FYCO1: variants seen among roughly 807,000 people sequenced by gnomAD.
The protein encoded by FYCO1 is FYVE and coiled-coil domain-containing protein 1.
FYCO1 carries 122 observed loss-of-function variants against 165.1 expected under a neutral mutation model. The observed-to-expected ratio is 0.74, with a 90% CI of 0.64 to 0.86. The LOEUF is 0.86. Ranked by LOEUF, FYCO1 falls within the 40% of genes least tolerant of loss-of-function variation. FYCO1 has a pLI of 0.00. For missense variants in FYCO1, 1,702 were observed against 1,810.3 expected (o/e 0.94, Z 1.09); for synonymous variants, 648 against 742.5 (o/e 0.87, Z 2.07).
Position 45,967,161 on chromosome 3 carries a change from C to A in FYCO1, c.2173G>T (p.Ala725Ser). ...AGAGCCCTAAGCTCTCTGTGCCGGG[C>A]TTCTGCCAGTTGCTGGCACTGCTCC... ...EVEQCQQLAE[A>S]RHRELRALES... The change falls in exon 8 of 18, where the codon GCC (alanine) becomes TCC (serine). Residue 725 changes from alanine to serine, a missense_variant. By Grantham distance (99) the Ala-to-Ser change is moderately conservative. Coordinates refer to ENST00000296137, the MANE Select transcript of FYCO1 (RefSeq NM_024513.4). 6.2e-7 allele frequency: 1 copy of A among 1,613,346 alleles called. No individual in the cohort carries two copies. Among genetic ancestry groups the A allele is most frequent in the Non-Finnish European group, 8.5e-7 (1 of 1,179,460 alleles).
intron 14 of FYCO1, among the ~76,000 whole-genome samples, chr3:45,944,354 A>T (rs967105046): frequency 6.6e-6 from 1 of 152,190 alleles, no homozygotes; most frequent in Non-Finnish European, 1.5e-5. Flanking sequence ...AATAGTTAAT[A>T]CTTATTTTGC....
Position 45,966,750 on chromosome 3 carries a change from CA to C in FYCO1, c.2583del (p.Asp861GlufsTer55). The C allele has an allele frequency of 1.2e-6, 2 of 1,611,022 alleles. No individual in the cohort carries two copies. The highest frequency in any genetic ancestry group is 1.7e-6 in the Non-Finnish European group (2 of 1,179,978). ...AGCTCCTCCTCCCTCTGCTGGGCCT[CA>C]TCGGCCCTCTCCTCCTGCAGTGCCC... is the stretch of plus-strand genomic sequence containing the variant. ...REGALQEERA[D>X]EAQQREEELR... is the part of the protein sequence containing the mutation. On this transcript the variant is annotated frameshift_variant, in exon 8 of 18. Transcript: ENST00000296137. LOFTEE classifies it high-confidence loss of function.
In FYCO1 at chr3:45,975,318, C is replaced by T. The variant is rs753932842; in HGVS notation, c.316G>A (p.Ala106Thr). 69 of 1,614,018 alleles carry T rather than the reference C, an allele frequency of 4.3e-5. No homozygotes were observed. The highest frequency in any genetic ancestry group is 6.7e-5 in the African/African-American group (5 of 74,920). ...ELRTSLGKGR[A>T]FIRYSLVHQR... ...TGCACCAAGGAGTAGCGAATAAATGCTCTTCCTTTCCCCAAGGATGTTCGG... is the reference window on the plus strand; with the variant it reads ...TGCACCAAGGAGTAGCGAATAAATGTTCTTCCTTTCCCCAAGGATGTTCGG... The change falls in exon 5 of 18, where the codon GCA becomes ACA. Residue 106 changes from alanine to threonine, a missense_variant. Ala to Thr is a moderately conservative substitution (Grantham distance 58). Transcript: ENST00000296137.
chr3:45,991,216 T>C (rs752212914), intron 1 of FYCO1, among the ~76,000 whole-genome samples: 1 of 152,240 alleles, frequency 6.6e-6, no homozygotes, highest in Non-Finnish European at 1.5e-5. Flanking sequence ...GTTGTAATTA[T>C]TGTAAAAATA....
Position 45,920,282 on chromosome 3 carries a change from G to C in FYCO1, c.*1483C>G, listed in dbSNP as rs1703046032. 6.6e-6 allele frequency: 1 copy of C among 152,260 alleles called. No individual in the cohort carries two copies. Among genetic ancestry groups the C allele is most frequent in the South Asian group, 2.1e-4 (1 of 4,822 alleles). The allele number at this position is 152,260 out of a possible 1,614,324, so 9.4% of individuals were successfully genotyped here. A position where few individuals can be genotyped will look rare whatever the true frequency, so the allele number is the denominator to read the frequency against. On this transcript the variant is annotated 3_prime_UTR_variant, in exon 18 of 18. Coordinates refer to ENST00000296137, the MANE Select transcript of FYCO1 (RefSeq NM_024513.4). ...CAAGCCCTCAAAACCAGCCAGACCA[G>C]GGTTATGACAAAGAGAAACTTTGGG...
chr3:45,967,696 G>A lies in FYCO1; in HGVS notation c.1638C>T (p.Leu546=), dbSNP rs1706157680. The A allele has an allele frequency of 6.2e-7, 1 of 1,613,606 alleles. No individual in the cohort carries two copies. The highest frequency in any genetic ancestry group is 8.5e-7 in the Non-Finnish European group (1 of 1,180,034). ...KKQLIQDKDH[L]SQQVGMLERL... Reference sequence around the variant, plus strand: ...GCTCGAGCATACCCACCTGCTGGCTGAGGTGGTCTTTGTCCTGAATGAGCT... The same window carrying A: ...GCTCGAGCATACCCACCTGCTGGCTAAGGTGGTCTTTGTCCTGAATGAGCT... Residue 546 remains leucine, a synonymous_variant, in exon 8 of 18, where the codon CTC becomes CTT. Coordinates refer to ENST00000296137, the MANE Select transcript of FYCO1 (RefSeq NM_024513.4).
At chr3:45,994,293 T>C (rs1707693960) in intron 1 of FYCO1, among the ~76,000 whole-genome samples, 1 of 152,034 alleles carries the variant, frequency 6.6e-6, no homozygotes, top group Admixed American at 6.5e-5. Flanking sequence ...CTTTCAGTGA[T>C]TCTGTATGTT....
chr3:45,974,108 G>T (rs966685125), intron 5 of FYCO1, among the ~76,000 whole-genome samples: 5 of 152,154 alleles, frequency 3.3e-5, no homozygotes, highest in Non-Finnish European at 7.4e-5. Context: ...CCTGGGCATA[G>T]TGGCTCACAC....
At chr3:45,978,882 A>G (rs1575382596) in intron 4 of FYCO1, among the ~76,000 whole-genome samples, 1 of 137,244 alleles carries the variant, frequency 7.3e-6, no homozygotes, top group Admixed American at 7.9e-5. Flanking sequence ...TTTGAGACGG[A>G]GTCTCGCTCT....
chr3:45,947,580 G>C, intron 14 of FYCO1: 3 of 1,239,840 alleles, frequency 2.4e-6, no homozygotes, highest in Non-Finnish European at 3.5e-6. Flanking sequence ...GATGTGGTGA[G>C]GCAGGCTTTG....
chr3:45,942,271 CT>C (rs1453170669), intron 14 of FYCO1, among the ~76,000 whole-genome samples: 4 of 152,244 alleles, frequency 2.6e-5, no homozygotes, highest in African/African-American at 9.6e-5. Context: ...GTGGGCTAAT[CT>C]CTCTAATCTT....
chr3:45,976,628 C>T (rs756542414), intron 4 of FYCO1, among the ~76,000 whole-genome samples: 1 of 152,086 alleles, frequency 6.6e-6, no homozygotes, highest in Non-Finnish European at 1.5e-5. Context: ...CAGTGGTTTG[C>T]CAGAGGGTTC....
chr3:45,933,156 A>C (rs944755927), intron 15 of FYCO1, among the ~76,000 whole-genome samples: 1 of 152,194 alleles, frequency 6.6e-6, no homozygotes, highest in Non-Finnish European at 1.5e-5. Flanking sequence ...AATATAATAT[A>C]ATCTTAAGAT....
intron 13 of FYCO1, among the ~76,000 whole-genome samples, chr3:45,958,022 C>T (rs939178108): frequency 6.6e-6 from 1 of 152,234 alleles, no homozygotes; most frequent in Non-Finnish European, 1.5e-5. Flanking sequence ...GAAGAGCGAG[C>T]TTCAGGAAGA....
At position 45,967,071 on chromosome 3, in the gene FYCO1, C is replaced by T. The variant is rs749418531; in HGVS notation, c.2263G>A (p.Gly755Arg). 5.0e-6 allele frequency: 8 copies of T among 1,613,720 alleles called. No individual in the cohort carries two copies. In the African/African-American group the frequency reaches 6.7e-5, roughly 13 times the overall value. The change falls in exon 8 of 18, where the codon GGA (glycine) becomes AGA (arginine). Residue 755 changes from glycine to arginine, a missense_variant. Physicochemically the swap from Gly to Arg is moderately radical, Grantham distance 125. Transcript: ENST00000296137. ...EVLTAEKGQQ[G>R]VGPPTDNEAR... The stretch of plus-strand genomic sequence containing the variant: ...TCATTGTCAGTGGGTGGGCCAACTC[C>T]CTGTTGGCCTTTCTCTGCTGTGAGG...
At chr3:45,944,354 A>C (rs967105046) in intron 14 of FYCO1, among the ~76,000 whole-genome samples, 1 of 152,190 alleles carries the variant, frequency 6.6e-6, no homozygotes, top group African/African-American at 2.4e-5. Flanking sequence ...AATAGTTAAT[A>C]CTTATTTTGC....
chr3:45,969,484 A>G (rs1706296595), intron 7 of FYCO1, among the ~76,000 whole-genome samples, 191 bp downstream of exon 7: 1 of 152,236 alleles, frequency 6.6e-6, no homozygotes, highest in South Asian at 2.1e-4. Flanking sequence ...AGAAGAATGT[A>G]ATTTTAAGAG....
chr3:45,927,607 C>T (rs1703384361), intron 16 of FYCO1, among the ~76,000 whole-genome samples: 1 of 152,206 alleles, frequency 6.6e-6, no homozygotes, highest in South Asian at 2.1e-4. Context: ...GCCTGCTACA[C>T]GTAGGCTCTG....
chr3:45,923,917 T>C (rs1703204464), intron 16 of FYCO1, 152 bp from the exon 17 acceptor site: 2 of 691,942 alleles, frequency 2.9e-6, no homozygotes, highest in Non-Finnish European at 5.3e-6. Flanking sequence ...GCCCCAGTAG[T>C]GGCACAGTGC....
Sources: gnomAD v4.1 joint callset for allele counts (sites outside exome capture counted in the v4.1 genomes callset) on GRCh38, gnomAD v4.1.1 for gene constraint, MANE v1.5 for transcripts, NCBI Gene and HGNC (gene_info 2026-07-23, HGNC 2026-07-21) for gene names.